The following ENTPD5 variants were observed in gnomAD, a reference collection of about 807,000 sequenced individuals.
The protein encoded by ENTPD5 is nucleoside diphosphate phosphatase ENTPD5.
Under a neutral mutation model 60.2 loss-of-function variants are expected in ENTPD5, and 49 were observed. The ratio of observed to expected loss-of-function variants is 0.81; its 90% CI spans 0.65 to 1.03. The LOEUF is 1.03. Ranked by LOEUF, ENTPD5 falls within the 50% of genes least tolerant of loss-of-function variation. The pLI, the probability that ENTPD5 is intolerant of heterozygous loss-of-function variation, is 0.00. For missense variants in ENTPD5, 480 were observed against 507.6 expected, an observed-to-expected ratio of 0.95 and a Z score of 0.52; for synonymous variants, 187 against 185.4, an observed-to-expected ratio of 1.01 and a Z score of -0.07.
chr14:73,986,622 C>A (rs187789709), intron 5 of ENTPD5, 192 bp downstream of exon 5: 140 of 570,082 alleles, frequency 2.5e-4, no homozygotes, highest in Admixed American at 1.7e-3. Flanking sequence ...AATTTTCTAG[C>A]CTTCTTCCAC....
chr14:73,974,265 CT>C (rs1160717677), intron 11 of ENTPD5, among the ~76,000 whole-genome samples: 1 of 152,154 alleles, frequency 6.6e-6, no homozygotes, highest in Non-Finnish European at 1.5e-5. Flanking sequence ...GATCCAAAAC[CT>C]TCAATACAGC....
downstream of ENTPD5, chr14:73,958,892 A>C: frequency 6.3e-7 from 1 of 1,584,182 alleles, no homozygotes; most frequent in Non-Finnish European, 8.6e-7. Context: ...GCTGGAGGAA[A>C]CTTTAGGGAG....
intron 5 of ENTPD5, chr14:73,986,117 A>G (rs2057895641): frequency 2.0e-5 from 3 of 152,002 alleles, no homozygotes; most frequent in South Asian, 4.2e-4. Flanking sequence ...ATATATCCAT[A>G]TATCCTCTCA....
chr14:73,993,039 A>T (rs2058201611), intron 3 of ENTPD5, among the ~76,000 whole-genome samples: 1 of 152,076 alleles, frequency 6.6e-6, no homozygotes, highest in Non-Finnish European at 1.5e-5. Flanking sequence ...CTATATTTGG[A>T]ATTTTAAAAT....
intron 3 of ENTPD5, among the ~76,000 whole-genome samples, chr14:73,998,196 C>T (rs889187034): frequency 1.1e-4 from 17 of 152,098 alleles, no homozygotes; most frequent in African/African-American, 4.1e-4. Context: ...ACACCCCCAG[C>T]GCAGTGTTCC....
rs541623960 is a variant in ENTPD5 at position 74,001,666 on chromosome 14, C to CAAA, written c.-71+9422_-71+9424dup. Among the ~76,000 whole-genome samples, 216 of 49,358 alleles carry CAAA rather than the reference C, an allele frequency of 4.4e-3. 11 individuals carry two copies. Among genetic ancestry groups the CAAA allele is most frequent in the African/African-American group, 7.8e-3 (96 of 12,282 alleles). The allele number at this position is 49,358 out of a possible 152,430, so 32.4% of individuals were successfully genotyped here. The stretch of plus-strand genomic sequence containing the variant: ...CTGGCGAGAGAGCAAGACCTCATCT[C>CAAA]AAAAAAAAAAAAAAAAAAAAAAAAA... On this transcript the variant is annotated intron_variant, in intron 3 of 15. Transcript: ENST00000334696.
At chr14:73,993,848 T>C (rs968262560) in intron 3 of ENTPD5, among the ~76,000 whole-genome samples, 5 of 151,302 alleles carry the variant, frequency 3.3e-5, no homozygotes, top group Non-Finnish European at 7.4e-5. Context: ...TTCTATTAAG[T>C]AAATATTTGT....
intron 3 of ENTPD5, among the ~76,000 whole-genome samples, chr14:74,000,612 C>T (rs531769379): frequency 6.6e-5 from 10 of 151,974 alleles, no homozygotes; most frequent in Non-Finnish European, 1.0e-4. Flanking sequence ...GAAACCCCAT[C>T]TCTACTAAAA....
intron 6 of ENTPD5, among the ~76,000 whole-genome samples, chr14:73,980,596 T>G (rs949795989): frequency 1.3e-5 from 2 of 152,034 alleles, no homozygotes; most frequent in Admixed American, 6.6e-5. Flanking sequence ...GGGTCTTGCT[T>G]TGTTGTCTGG....
intron 3 of ENTPD5, among the ~76,000 whole-genome samples, chr14:74,006,785 A>G (rs541779710): frequency 6.6e-6 from 1 of 151,872 alleles, no homozygotes; most frequent in South Asian, 2.1e-4. Context: ...GAGTCTTGCT[A>G]TGTTGCCCAG....
rs1328877682 is a variant in ENTPD5, at chr14:73,977,075, G to A, written c.518-16C>T. On this transcript the variant is annotated splice_polypyrimidine_tract_variant and intron_variant, in intron 7 of 15. Transcript: ENST00000334696. ...GCTAATATGCCTAAAAAGAAAGAAA[G>A]ACAAGGATTAGATCCCAGAGCATTT... is the stretch of plus-strand genomic sequence containing the variant. The A allele has an allele frequency of 6.2e-7, 1 of 1,611,576 alleles. No individual in the cohort carries two copies. The highest frequency in any genetic ancestry group is 1.3e-5 in the African/African-American group (1 of 74,776).
chr14:73,986,997 G>C, intron 4 of ENTPD5, 104 bp from the exon 5 acceptor site: 2 of 841,768 alleles, frequency 2.4e-6, no homozygotes, highest in African/African-American at 3.4e-5. Context: ...TGACTTCCCT[G>C]AAGTTATCCC....
At chr14:73,990,889 C>A (rs936424510) in intron 3 of ENTPD5, among the ~76,000 whole-genome samples, 3 of 151,822 alleles carry the variant, frequency 2.0e-5, no homozygotes, top group Admixed American at 6.6e-5. Flanking sequence ...ATGAGCCAGG[C>A]ATGGTGGCAT....
At chr14:74,009,361 CCGT>C (rs2058775269) in intron 3 of ENTPD5, among the ~76,000 whole-genome samples, 1 of 152,146 alleles carries the variant, frequency 6.6e-6, no homozygotes, top group Non-Finnish European at 1.5e-5. Context: ...CCACTGGGCA[CCGT>C]TTATATTGGA....
intron 6 of ENTPD5, among the ~76,000 whole-genome samples, chr14:73,978,686 G>A (rs987734209): frequency 2.0e-5 from 3 of 151,922 alleles, no homozygotes; most frequent in South Asian, 2.1e-4. Context: ...AAGTGCGGGC[G>A]GATCACCTGA....
intron 3 of ENTPD5, among the ~76,000 whole-genome samples, chr14:73,992,620 G>C (rs1020760759): frequency 6.6e-6 from 1 of 151,002 alleles, no homozygotes; most frequent in Admixed American, 6.6e-5. Context: ...GGAGGCAAAG[G>C]CTGCAGCAAG....
chr14:73,987,026 G>A (rs902601342), intron 4 of ENTPD5, 133 bp from the exon 5 acceptor site: 1 of 750,252 alleles, frequency 1.3e-6, no homozygotes, highest in African/African-American at 1.7e-5. Flanking sequence ...CTAGTTGTGA[G>A]GAATGTCTTG....
downstream of ENTPD5, chr14:73,956,100 G>A (rs112488013): frequency 7.2e-3 from 5,548 of 766,990 alleles, 198 homozygotes; most frequent in African/African-American, 0.084. Context: ...TAAGGCGGGC[G>A]GATCACGAGG....
At chr14:73,970,440 C>T (rs1168190249) in intron 14 of ENTPD5, among the ~76,000 whole-genome samples, 2 of 150,362 alleles carry the variant, frequency 1.3e-5, no homozygotes, top group Admixed American at 1.3e-4. Flanking sequence ...TGCAGTGAGC[C>T]GAGATCTCAC....
Sources: allele counts gnomAD v4.1 joint callset (sites outside exome capture counted in the v4.1 genomes callset), GRCh38; gene constraint gnomAD v4.1.1; transcripts MANE v1.5; gene names NCBI Gene and HGNC (gene_info 2026-07-23, HGNC 2026-07-21).